Variants in SORCS3 observed in about 807,000 individuals in gnomAD.
SORCS3 encodes the protein sortilin related VPS10 domain containing receptor 3.
SORCS3 carries 57 observed loss-of-function variants against 146.3 expected under a neutral mutation model. The observed-to-expected ratio is 0.39, with a 90% confidence interval of 0.31 to 0.49. SORCS3 has a LOEUF of 0.49. SORCS3 is among the 20% of genes least tolerant of loss of function. SORCS3 has a pLI of 0.92. For synonymous variants in SORCS3, 653 were observed against 618.5 expected (o/e 1.06, Z -0.83); for missense variants, 1,341 against 1,575.5 (o/e 0.85, Z 2.52).
chr10:104,866,531 A>T (rs2018460454), intron 2 of SORCS3, among the ~76,000 whole-genome samples: 1 of 152,328 alleles, frequency 6.6e-6, no homozygotes, highest in Non-Finnish European at 1.5e-5. Flanking sequence ...TCTGATTTTG[A>T]AAACTAGATG....
At chr10:105,201,366 G>A (rs1394712812) in intron 16 of SORCS3, 113 bp downstream of exon 16, 34 of 1,269,840 alleles carry the variant, frequency 2.7e-5, no homozygotes, top group Non-Finnish European at 2.2e-6. Context: ...GATAGGAGGT[G>A]TATCTGCTGG....
chr10:105,009,013 T>C (rs1344499896), intron 4 of SORCS3, among the ~76,000 whole-genome samples: 2 of 152,226 alleles, frequency 1.3e-5, no homozygotes, highest in African/African-American at 4.8e-5. Context: ...GAACTATGAA[T>C]ACAGACAAAT....
At chr10:105,062,917 C>G (rs1266457125) in intron 5 of SORCS3, among the ~76,000 whole-genome samples, 1 of 152,106 alleles carries the variant, frequency 6.6e-6, no homozygotes, top group Non-Finnish European at 1.5e-5. Flanking sequence ...GAAATCTACT[C>G]TGGTTATATA....
At chr10:105,166,672 G>A (rs1449574602) in intron 12 of SORCS3, among the ~76,000 whole-genome samples, 1 of 152,090 alleles carries the variant, frequency 6.6e-6, no homozygotes, top group Non-Finnish European at 1.5e-5. Flanking sequence ...TTAGGTCCCT[G>A]GAAGTACTGT....
chr10:104,909,462 C>T (rs1238396213), intron 2 of SORCS3, among the ~76,000 whole-genome samples: 1 of 152,088 alleles, frequency 6.6e-6, no homozygotes, highest in Non-Finnish European at 1.5e-5. Context: ...TAGATTGTAT[C>T]CCTCAGAAGG....
chr10:105,035,843 T>C (rs2055302901), intron 4 of SORCS3, among the ~76,000 whole-genome samples: 1 of 152,206 alleles, frequency 6.6e-6, no homozygotes, highest in Non-Finnish European at 1.5e-5. Flanking sequence ...ATTGCCTCTT[T>C]CAGGCTTCAA....
chr10:105,248,191 T>C (rs1028017252), intron 22 of SORCS3, among the ~76,000 whole-genome samples: 6 of 152,178 alleles, frequency 3.9e-5, no homozygotes, highest in Admixed American at 2.0e-4. Flanking sequence ...ACATGGTCAA[T>C]TGAAATGTAG....
chr10:104,683,268 G>A (rs1399429467), intron 1 of SORCS3, among the ~76,000 whole-genome samples: 1 of 152,206 alleles, frequency 6.6e-6, no homozygotes, highest in African/African-American at 2.4e-5. Flanking sequence ...GGAAGTTTGA[G>A]TACAAGTCTG....
Position 104,921,594 on chromosome 10 carries a change from T to G in SORCS3, c.795+5662T>G, listed in dbSNP as rs569619682. Among the ~76,000 whole-genome samples, 6 of 152,060 alleles carry G rather than the reference T, an allele frequency of 3.9e-5. No homozygotes were observed. In the East Asian group the frequency reaches 1.2e-3, roughly 30 times the overall value. On this transcript the variant is annotated intron_variant, in intron 3 of 26. Coordinates refer to ENST00000369701, the MANE Select transcript of SORCS3 (RefSeq NM_014978.3). ...GCTAATGAGTTCTTTCTATTGAGCT[T>G]CTAATAAGTTCTAGGCACTGGGCTA...
At chr10:105,072,657 CTCTTTTTTTTTTTTTTT>C (rs778806572) in intron 5 of SORCS3, among the ~76,000 whole-genome samples, 37 of 110,408 alleles carry the variant, frequency 3.4e-4, no homozygotes, top group Non-Finnish European at 6.1e-4. Flanking sequence ...TTCTCTCTCT[CTCTTTTTTTTTTTTTTT>C]TTTTTTTTTT....
chr10:104,790,743 G>C (rs2017487324), intron 1 of SORCS3, among the ~76,000 whole-genome samples: 1 of 152,166 alleles, frequency 6.6e-6, no homozygotes, highest in African/African-American at 2.4e-5. Flanking sequence ...TATATGCCAA[G>C]CTCAGTGCTA....
intron 3 of SORCS3, among the ~76,000 whole-genome samples, chr10:104,938,159 A>G (rs182967932): frequency 6.1e-4 from 93 of 152,292 alleles, no homozygotes; most frequent in Admixed American, 1.6e-3. Flanking sequence ...AAAGAAATAC[A>G]TCAGAGAGAC....
At chr10:104,907,127 C>CTGTGTGTGTGTGTG (rs139418206) in intron 2 of SORCS3, among the ~76,000 whole-genome samples, 13 of 147,884 alleles carry the variant, frequency 8.8e-5, no homozygotes, top group African/African-American at 3.0e-4. Context: ...CTGTATAGTA[C>CTGTGTGTGTGTGTG]TGTGTGTGTG....
intron 4 of SORCS3, among the ~76,000 whole-genome samples, chr10:105,005,873 T>A (rs1210562756): frequency 6.6e-6 from 1 of 152,186 alleles, no homozygotes. Context: ...TGCCAAATAA[T>A]CCACTCTAAA....
intron 22 of SORCS3, among the ~76,000 whole-genome samples, chr10:105,252,116 A>G (rs72819924): frequency 0.01 from 1,557 of 152,204 alleles, 14 homozygotes; most frequent in Middle Eastern, 0.02. Flanking sequence ...TTTCCTGCAT[A>G]TGGCTTTTCC....
intron 1 of SORCS3, among the ~76,000 whole-genome samples, chr10:104,793,240 G>A (rs2017514963): frequency 6.6e-6 from 1 of 152,064 alleles, no homozygotes; most frequent in African/African-American, 2.4e-5. Context: ...AAAATAATGA[G>A]TCTATATTCT....
At chr10:105,186,113 C>G (rs900713102) in intron 14 of SORCS3, among the ~76,000 whole-genome samples, 2 of 152,160 alleles carry the variant, frequency 1.3e-5, no homozygotes, top group Non-Finnish European at 2.9e-5. Context: ...CAGGTACATA[C>G]ATGGAAGAAG....
At chr10:105,251,075 G>A (rs184898704) in intron 22 of SORCS3, among the ~76,000 whole-genome samples, 26 of 152,294 alleles carry the variant, frequency 1.7e-4, no homozygotes, top group Admixed American at 3.3e-4. Flanking sequence ...CACACCATAA[G>A]AACCTGTATT....
intron 5 of SORCS3, among the ~76,000 whole-genome samples, chr10:105,054,866 T>C (rs2055436262): frequency 6.6e-6 from 1 of 152,168 alleles, no homozygotes; most frequent in South Asian, 2.1e-4. Flanking sequence ...AAAACCAAAA[T>C]AGAACTCTTC....
Sources: allele counts gnomAD v4.1 joint callset (sites outside exome capture counted in the v4.1 genomes callset), GRCh38; gene constraint gnomAD v4.1.1; transcripts MANE v1.5; gene names NCBI Gene and HGNC (gene_info 2026-07-23, HGNC 2026-07-21).